Variants in GRID2 observed in about 807,000 individuals in gnomAD.
GRID2 encodes the protein glutamate ionotropic receptor delta type subunit 2, also known as glutamate receptor ionotropic, delta-2.
Under a neutral mutation model 114.8 loss-of-function variants are expected in GRID2, and 33 were observed. That is an observed-to-expected ratio of 0.29 (90% CI 0.22 to 0.38). GRID2 has a LOEUF of 0.38. Among genes scored for constraint, GRID2 ranks in the 10% least tolerant of loss-of-function variants. GRID2 has a pLI of 1.00. For synonymous variants in GRID2, 505 were observed against 449.9 expected (o/e 1.12, Z -1.55); for missense variants, 1,184 against 1,257.7 (o/e 0.94, Z 0.89).
intron 1 of GRID2, among the ~76,000 whole-genome samples, chr4:92,420,969 G>T (rs187929183): frequency 5.5e-4 from 84 of 152,220 alleles, no homozygotes; most frequent in African/African-American, 2.0e-3. Flanking sequence ...ATAGGCATGA[G>T]CCAAGCTGCC....
chr4:93,595,418 T>A (rs1738978334), intron 13 of GRID2, among the ~76,000 whole-genome samples: 1 of 152,342 alleles, frequency 6.6e-6, no homozygotes, highest in Non-Finnish European at 1.5e-5. Flanking sequence ...TGTATTTACT[T>A]GCTGTGGGAA....
At chr4:92,784,730 A>G (rs183658111) in intron 2 of GRID2, among the ~76,000 whole-genome samples, 4 of 152,042 alleles carry the variant, frequency 2.6e-5, no homozygotes, top group Non-Finnish European at 4.4e-5. Context: ...GGTTATGTCT[A>G]TATTTCTTTT....
intron 1 of GRID2, among the ~76,000 whole-genome samples, chr4:93,804,672 A>G (rs2110370142): frequency 6.6e-6 from 1 of 152,336 alleles, no homozygotes; most frequent in Admixed American, 6.5e-5. Context: ...CTTAAGAAAT[A>G]TTAGAATTTA....
intron 13 of GRID2, among the ~76,000 whole-genome samples, chr4:93,556,831 G>A (rs905865157): frequency 1.3e-5 from 2 of 152,102 alleles, no homozygotes; most frequent in Non-Finnish European, 2.9e-5. Flanking sequence ...ACTGTTAAGG[G>A]CAGCCAGAGA....
At chr4:93,471,675 T>G (rs1170681266) in intron 11 of GRID2, among the ~76,000 whole-genome samples, 1 of 149,890 alleles carries the variant, frequency 6.7e-6, no homozygotes, top group Non-Finnish European at 1.5e-5. Flanking sequence ...CTTAATTCAT[T>G]GTTATTTCTT....
At chr4:93,304,907 A>G (rs1157347095) in intron 8 of GRID2, among the ~76,000 whole-genome samples, 3 of 152,162 alleles carry the variant, frequency 2.0e-5, no homozygotes, top group African/African-American at 7.2e-5. Context: ...TTATTTTGCA[A>G]GAAGAGATAT....
At chr4:93,082,955 A>G (rs1254996862) in intron 2 of GRID2, among the ~76,000 whole-genome samples, 1 of 152,188 alleles carries the variant, frequency 6.6e-6, no homozygotes, top group East Asian at 1.9e-4. Flanking sequence ...CTGAAGACTA[A>G]AACAGACAAT....
chr4:93,266,722 G>A (rs987317623), intron 8 of GRID2, among the ~76,000 whole-genome samples: 29 of 152,210 alleles, frequency 1.9e-4, no homozygotes, highest in African/African-American at 7.0e-4. Context: ...CTTTTCCAGG[G>A]TTTTTATAAG....
At chr4:93,446,416 T>A (rs1162093434) in intron 10 of GRID2, among the ~76,000 whole-genome samples, 1 of 152,004 alleles carries the variant, frequency 6.6e-6, no homozygotes, top group Non-Finnish European at 1.5e-5. Context: ...AATACCAGAA[T>A]AGGAAGAACT....
chr4:93,160,333 A>G (rs927814310), intron 4 of GRID2, among the ~76,000 whole-genome samples: 6 of 151,864 alleles, frequency 4.0e-5, no homozygotes, highest in African/African-American at 1.4e-4. Context: ...AAAAACCACA[A>G]ATGAAAAATA....
chr4:92,486,380 C>A lies in GRID2; in HGVS notation c.89-103751C>A, dbSNP rs528839185. ...TATAAATTGAGCTTCTTACATTTTT[C>A]CTTTCATATACTCCTTGTCATATAT... On this transcript the variant is annotated intron_variant, in intron 1 of 15. Transcript: ENST00000282020. Among the ~76,000 whole-genome samples the A allele has an allele frequency of 4.6e-5, 7 of 151,746 alleles. No individual in the cohort carries two copies. In the South Asian group the frequency reaches 1.5e-3, roughly 31 times the overall value.
chr4:93,398,571 A>G (rs981623306), intron 9 of GRID2, among the ~76,000 whole-genome samples: 1 of 151,872 alleles, frequency 6.6e-6, no homozygotes, highest in Non-Finnish European at 1.5e-5. Context: ...TGTTAAATTC[A>G]TTTCCAGGCT....
chr4:92,933,748 C>T (rs555583765), intron 2 of GRID2, among the ~76,000 whole-genome samples: 28 of 151,728 alleles, frequency 1.8e-4, no homozygotes, highest in Non-Finnish European at 4.0e-4. Context: ...TGGCAACCCT[C>T]CCACCAAAAT....
intron 1 of GRID2, among the ~76,000 whole-genome samples, chr4:93,784,645 T>TACACACAC (rs59896203): frequency 0.071 from 10,474 of 147,618 alleles, 650 homozygotes; most frequent in African/African-American, 0.17. Flanking sequence ...GTCCTTTTTA[T>TACACACAC]ACACACACAC....
At chr4:93,784,514 G>T (rs72875995) in intron 1 of GRID2, among the ~76,000 whole-genome samples, 7,978 of 152,132 alleles carry the variant, frequency 0.052, 677 homozygotes, top group African/African-American at 0.18. Flanking sequence ...AAGTATCATT[G>T]ACAAGTAGGA....
intron 2 of GRID2, among the ~76,000 whole-genome samples, chr4:92,869,913 G>A (rs1745149075): frequency 6.6e-6 from 1 of 152,062 alleles, no homozygotes; most frequent in Admixed American, 6.6e-5. Context: ...TTAACTATAA[G>A]TTGGGTGCAG....
At chr4:93,164,171 T>C (rs1277619492) in intron 4 of GRID2, among the ~76,000 whole-genome samples, 2 of 151,190 alleles carry the variant, frequency 1.3e-5, no homozygotes, top group African/African-American at 4.9e-5. Flanking sequence ...AAAAAAAAGG[T>C]AATTTAGAAA....
At chr4:93,266,721 G>T (rs1269626389) in intron 8 of GRID2, among the ~76,000 whole-genome samples, 1 of 152,054 alleles carries the variant, frequency 6.6e-6, no homozygotes, top group South Asian at 2.1e-4. Flanking sequence ...CCTTTTCCAG[G>T]GTTTTTATAA....
At chr4:93,676,070 T>C (rs536027327) in intron 14 of GRID2, among the ~76,000 whole-genome samples, 18 of 152,304 alleles carry the variant, frequency 1.2e-4, no homozygotes, top group Admixed American at 5.9e-4. Flanking sequence ...TATTTCAAAA[T>C]AAAGCATTCA....
Sources: allele counts gnomAD v4.1 joint callset (sites outside exome capture counted in the v4.1 genomes callset), GRCh38; gene constraint gnomAD v4.1.1; transcripts MANE v1.5; gene names NCBI Gene and HGNC (gene_info 2026-07-23, HGNC 2026-07-21).